SPRED1: variants seen among roughly 807,000 people sequenced by gnomAD.
SPRED1 encodes the protein sprouty-related, EVH1 domain-containing protein 1.
Under a neutral mutation model 52.3 loss-of-function variants are expected in SPRED1, and 18 were observed. The observed-to-expected ratio is 0.34, with a 90% CI of 0.24 to 0.51. SPRED1 has a LOEUF of 0.51. SPRED1 is among the 20% of genes least tolerant of loss of function. The pLI is 0.97. For synonymous variants in SPRED1, 155 were observed against 179.7 expected, an observed-to-expected ratio of 0.86 and a Z score of 1.10; for missense variants, 485 against 551.0, an observed-to-expected ratio of 0.88 and a Z score of 1.20.
chr15:38,267,733 C>A (rs1894340440), intron 1 of SPRED1, among the ~76,000 whole-genome samples: 1 of 152,080 alleles, frequency 6.6e-6, no homozygotes, highest in South Asian at 2.1e-4. Flanking sequence ...AACTGAGGTG[C>A]AGGAAAGTTA....
chr15:38,332,390 A>G (rs1895822213), intron 4 of SPRED1, among the ~76,000 whole-genome samples: 1 of 152,146 alleles, frequency 6.6e-6, no homozygotes, highest in Admixed American at 6.5e-5. Flanking sequence ...CCTGAGCAAC[A>G]TAGTAAGACT....
At chr15:38,282,954 A>G (rs961002495) in intron 1 of SPRED1, among the ~76,000 whole-genome samples, 8 of 151,916 alleles carry the variant, frequency 5.3e-5, no homozygotes, top group African/African-American at 1.9e-4. Context: ...AGCTTCTTGT[A>G]AGTTCTAGTG....
chr15:38,342,238 G>C lies in SPRED1; in HGVS notation c.582+2343G>C, dbSNP rs1397610844. Reference sequence around the variant, plus strand: ...TTATTAGCTAATTAGTAATACAGCTGTTAAGTATTTTTAGTGGTTATCCTA... The same window carrying C: ...TTATTAGCTAATTAGTAATACAGCTCTTAAGTATTTTTAGTGGTTATCCTA... On this transcript the variant is annotated intron_variant, in intron 5 of 6. Coordinates refer to ENST00000299084, the MANE Select transcript of SPRED1 (RefSeq NM_152594.3). Among the ~76,000 whole-genome samples, 4 of 151,604 alleles carry C rather than the reference G, an allele frequency of 2.6e-5. No individual in the cohort carries two copies. In the East Asian group the frequency reaches 7.8e-4, roughly 29 times the overall value.
chr15:38,334,119 A>G (rs1895860656), intron 4 of SPRED1, among the ~76,000 whole-genome samples: 1 of 152,116 alleles, frequency 6.6e-6, no homozygotes, highest in South Asian at 2.1e-4. Flanking sequence ...TTATTGCTAC[A>G]CATGTCAAGG....
At chr15:38,275,561 G>A (rs533734081) in intron 1 of SPRED1, among the ~76,000 whole-genome samples, 1 of 152,198 alleles carries the variant, frequency 6.6e-6, no homozygotes, top group African/African-American at 2.4e-5. Context: ...GCAATGGCGT[G>A]ATCTTGGCTT....
intron 1 of SPRED1, among the ~76,000 whole-genome samples, chr15:38,281,674 G>C (rs1894692205): frequency 6.8e-6 from 1 of 147,872 alleles, no homozygotes; most frequent in South Asian, 2.2e-4. Flanking sequence ...GTTAGGATTA[G>C]GCATAAGCTA....
intron 4 of SPRED1, among the ~76,000 whole-genome samples, chr15:38,329,202 T>A (rs746267688): frequency 6.6e-6 from 1 of 152,160 alleles, no homozygotes; most frequent in Admixed American, 6.5e-5. Context: ...ATCTTAGATA[T>A]CATGTTTTTG....
At chr15:38,286,813 T>A (rs965211829) in intron 1 of SPRED1, among the ~76,000 whole-genome samples, 2 of 152,148 alleles carry the variant, frequency 1.3e-5, no homozygotes, top group East Asian at 3.8e-4. Context: ...ATTGCCAGTT[T>A]AGTCCCCTTT....
chr15:38,265,643 C>T (rs996784616), intron 1 of SPRED1, among the ~76,000 whole-genome samples: 4 of 151,378 alleles, frequency 2.6e-5, no homozygotes, highest in Non-Finnish European at 4.4e-5. Context: ...ATTTTTAATA[C>T]AACTATTTAG....
chr15:38,331,325 CCTATCATATATTAAA>C (rs1420120318), intron 4 of SPRED1, among the ~76,000 whole-genome samples: 7 of 152,026 alleles, frequency 4.6e-5, no homozygotes, highest in African/African-American at 1.7e-4. Flanking sequence ...AGTCTTTGTG[CCTATCATATATTAAA>C]CTTTTTGCTC....
intron 1 of SPRED1, among the ~76,000 whole-genome samples, chr15:38,285,169 G>A (rs986272723): frequency 2.5e-4 from 38 of 152,114 alleles, no homozygotes; most frequent in African/African-American, 7.7e-4. Context: ...ACTAGGAAAA[G>A]CACCACCTCC....
chr15:38,294,167 T>C (rs1287823833), intron 1 of SPRED1, among the ~76,000 whole-genome samples: 2 of 152,206 alleles, frequency 1.3e-5, no homozygotes, highest in East Asian at 3.8e-4. Context: ...GCTTCCCTTT[T>C]CTCTTCTACC....
intron 2 of SPRED1, among the ~76,000 whole-genome samples, chr15:38,306,574 A>G (rs1399769180): frequency 6.6e-6 from 1 of 152,174 alleles, no homozygotes; most frequent in Non-Finnish European, 1.5e-5. Context: ...CTGTACAACC[A>G]TGAATTTTGT....
chr15:38,253,005 G>A lies in SPRED1; in HGVS notation c.-181G>A. ...TTGCTGCCGCCACCCCCCTGCGGGG[G>A]TGGCCGGGGTTCCCGGCTGGGGGGG... On this transcript the variant is annotated 5_prime_UTR_variant, in exon 1 of 7. It adds an upstream start codon to the 5' untranslated region. Transcript: ENST00000299084. 2 of 629,080 alleles carry A rather than the reference G, an allele frequency of 3.2e-6. No individual in the cohort carries two copies. Among genetic ancestry groups the A allele is most frequent in the East Asian group, 2.7e-5 (1 of 36,448 alleles). The allele number at this position is 629,080 out of a possible 1,614,324, so 39.0% of individuals were successfully genotyped here.
chr15:38,316,521 A>G (rs956347710), intron 2 of SPRED1, among the ~76,000 whole-genome samples: 1 of 151,948 alleles, frequency 6.6e-6, no homozygotes, highest in Admixed American at 6.6e-5. Context: ...GTTGGAATGC[A>G]AAGTTGTGCT....
intron 1 of SPRED1, among the ~76,000 whole-genome samples, chr15:38,254,718 G>C (rs537746983): frequency 3.9e-4 from 59 of 152,330 alleles, no homozygotes; most frequent in African/African-American, 1.3e-3. Context: ...GGAAATATCA[G>C]TTCGGGGAGG....
chr15:38,275,416 C>T (rs568860406), intron 1 of SPRED1, among the ~76,000 whole-genome samples: 10 of 152,216 alleles, frequency 6.6e-5, no homozygotes, highest in African/African-American at 2.4e-4. Context: ...AGCTCTAGTT[C>T]CTTTTATTGG....
At chr15:38,322,625 G>T (rs1323415950) in intron 3 of SPRED1, among the ~76,000 whole-genome samples, 1 of 152,114 alleles carries the variant, frequency 6.6e-6, no homozygotes, top group African/African-American at 2.4e-5. Context: ...TCAATTGCAT[G>T]TATTATCTTG....
chr15:38,293,180 A>G (rs1434191396), intron 1 of SPRED1, among the ~76,000 whole-genome samples: 1 of 132,056 alleles, frequency 7.6e-6, no homozygotes, highest in Admixed American at 9.2e-5. Context: ...TCTCACTGCA[A>G]CCTTTGCCTC....
Sources: allele counts gnomAD v4.1 joint callset (sites outside exome capture counted in the v4.1 genomes callset), GRCh38; gene constraint gnomAD v4.1.1; transcripts MANE v1.5; gene names NCBI Gene and HGNC (gene_info 2026-07-23, HGNC 2026-07-21).